The following CTNNA2 variants were observed in gnomAD, a reference collection of about 807,000 sequenced individuals.
The protein encoded by CTNNA2 is catenin alpha-2.
Under a neutral mutation model 101.0 loss-of-function variants are expected in CTNNA2, and 42 were observed. The observed-to-expected ratio is 0.42, with a 90% CI of 0.32 to 0.54. CTNNA2 has a LOEUF of 0.54. Ranked by LOEUF, CTNNA2 falls within the 20% of genes least tolerant of loss-of-function variation. CTNNA2 has a pLI of 0.14. For synonymous variants in CTNNA2, 450 were observed against 456.4 expected (o/e 0.99, Z 0.18); for missense variants, 871 against 1,223.1 (o/e 0.71, Z 4.29).
chr2:79,897,430 A>C (rs1684795537), intron 6 of CTNNA2, among the ~76,000 whole-genome samples: 1 of 152,180 alleles, frequency 6.6e-6, no homozygotes, highest in Non-Finnish European at 1.5e-5. Context: ...GGAAATATAA[A>C]GTATTACATT....
chr2:79,409,310 C>G (rs1479059097), intron 4 of CTNNA2, among the ~76,000 whole-genome samples: 1 of 151,912 alleles, frequency 6.6e-6, no homozygotes, highest in African/African-American at 2.4e-5. Context: ...TTAATTACAT[C>G]CCATTTGTCA....
chr2:79,443,439 T>A (rs1678797879), intron 4 of CTNNA2, among the ~76,000 whole-genome samples: 1 of 152,108 alleles, frequency 6.6e-6, no homozygotes, highest in African/African-American at 2.4e-5. Context: ...CTCAATGATG[T>A]CTACCCACAT....
chr2:79,474,136 A>G (rs1013838796), intron 4 of CTNNA2, among the ~76,000 whole-genome samples: 13 of 152,228 alleles, frequency 8.5e-5, no homozygotes, highest in African/African-American at 2.9e-4. Flanking sequence ...AAGAAAATGT[A>G]TTACACCAAT....
At chr2:79,992,172 G>A (rs1420811651) in intron 7 of CTNNA2, among the ~76,000 whole-genome samples, 1 of 151,904 alleles carries the variant, frequency 6.6e-6, no homozygotes, top group Non-Finnish European at 1.5e-5. Flanking sequence ...GAAGGTGAGG[G>A]CAAAAAGCCA....
At chr2:80,256,268 T>C (rs1352765138) in intron 7 of CTNNA2, among the ~76,000 whole-genome samples, 1 of 152,054 alleles carries the variant, frequency 6.6e-6, no homozygotes, top group Non-Finnish European at 1.5e-5. Context: ...CAAAAATATA[T>C]ACACGGGCTC....
At chr2:79,207,210 T>C (rs1193127928) in intron 2 of CTNNA2, among the ~76,000 whole-genome samples, 2 of 152,218 alleles carry the variant, frequency 1.3e-5, no homozygotes, top group Non-Finnish European at 2.9e-5. Context: ...ACTTTTGTCC[T>C]GGGAGTATTT....
intron 9 of CTNNA2, among the ~76,000 whole-genome samples, chr2:80,529,516 C>A (rs1438494617): frequency 6.6e-6 from 1 of 152,082 alleles, no homozygotes; most frequent in Non-Finnish European, 1.5e-5. Flanking sequence ...TGATGAAGAC[C>A]TCCAAATAGT....
At chr2:80,564,614 A>T (rs965084917) in intron 12 of CTNNA2, among the ~76,000 whole-genome samples, 25 of 150,254 alleles carry the variant, frequency 1.7e-4, no homozygotes, top group African/African-American at 6.1e-4. Flanking sequence ...CTTAAATTTG[A>T]TTTATGTTTG....
At chr2:79,609,678 A>G (rs1394340427) in intron 1 of CTNNA2, among the ~76,000 whole-genome samples, 7 of 152,164 alleles carry the variant, frequency 4.6e-5, no homozygotes, top group African/African-American at 1.7e-4. Context: ...AAAGGTGCAA[A>G]GGCAGTTCTT....
chr2:79,798,910 C>T lies in CTNNA2; in HGVS notation c.298+54328C>T, dbSNP rs1346681678. On this transcript the variant is annotated intron_variant, in intron 3 of 18. Transcript: ENST00000402739. ...GCAGACTCTGGAGTCCTCAATGAAT[C>T]TCACAGTGTTCCAAGGTGATGCATG... 2.6e-5 allele frequency among the ~76,000 whole-genome samples: 4 copies of T among 152,176 alleles called. No individual in the cohort carries two copies. In the East Asian group the frequency reaches 7.7e-4, roughly 29 times the overall value.
intron 7 of CTNNA2, among the ~76,000 whole-genome samples, chr2:79,982,706 C>T (rs1691471259): frequency 6.6e-6 from 1 of 152,042 alleles, no homozygotes. Flanking sequence ...GTCTGTCGTC[C>T]TCAGTGCTTG....
chr2:79,948,694 T>C lies in CTNNA2; in HGVS notation c.1056+38897T>C, dbSNP rs142459893. ...CTATTAAATTTCACCTGTTGCTGGG[T>C]GCGGTGGCTCACGCCTGTAATCTCA... is the stretch of plus-strand genomic sequence containing the variant. On this transcript the variant is annotated intron_variant, in intron 7 of 18. Coordinates refer to ENST00000402739, the MANE Select transcript of CTNNA2 (RefSeq NM_001282597.3). Among the ~76,000 whole-genome samples the C allele has an allele frequency of 5.4e-4, 82 of 152,246 alleles. No individual in the cohort carries two copies. The Middle Eastern group carries it at 0.01, about 19-fold the overall frequency.
chr2:79,973,926 T>A (rs1690660269), intron 7 of CTNNA2, among the ~76,000 whole-genome samples: 3 of 140,154 alleles, frequency 2.1e-5, no homozygotes, highest in Admixed American at 1.5e-4. Context: ...CAAGCAAGAG[T>A]GGAGTTTCTT....
chr2:80,628,756 T>C (rs1465250589), intron 18 of CTNNA2, among the ~76,000 whole-genome samples: 2 of 152,092 alleles, frequency 1.3e-5, no homozygotes, highest in Admixed American at 1.3e-4. Flanking sequence ...TGTTTCCCAG[T>C]AGCCTTCCCT....
chr2:80,633,434 C>G (rs896833276), intron 18 of CTNNA2, among the ~76,000 whole-genome samples: 7 of 152,166 alleles, frequency 4.6e-5, no homozygotes, highest in African/African-American at 1.7e-4. Flanking sequence ...GGAGTTTGTA[C>G]AACTTTTCTC....
At chr2:80,287,927 T>A (rs1674911755) in intron 7 of CTNNA2, among the ~76,000 whole-genome samples, 1 of 152,346 alleles carries the variant, frequency 6.6e-6, no homozygotes, top group Non-Finnish European at 1.5e-5. Context: ...ATTTACTTAG[T>A]GCTTCATCTT....
At chr2:80,589,708 GTTATA>G (rs934362306) in intron 15 of CTNNA2, among the ~76,000 whole-genome samples, 2 of 152,166 alleles carry the variant, frequency 1.3e-5, no homozygotes, top group African/African-American at 4.8e-5. Context: ...AATTATTGTT[GTTATA>G]ATTATCTACC....
chr2:79,699,787 A>G (rs1217298362), intron 2 of CTNNA2, among the ~76,000 whole-genome samples: 1 of 103,670 alleles, frequency 9.6e-6, no homozygotes, highest in Non-Finnish European at 1.9e-5. Context: ...AAAGAAAAAA[A>G]TACACACACA....
chr2:80,025,919 T>C (rs1483644815), intron 7 of CTNNA2, among the ~76,000 whole-genome samples: 2 of 152,182 alleles, frequency 1.3e-5, no homozygotes, highest in South Asian at 2.1e-4. Context: ...AAACCTAGTT[T>C]TCCTGGAGCT....
Sources: gnomAD v4.1 joint callset for allele counts (sites outside exome capture counted in the v4.1 genomes callset) on GRCh38, gnomAD v4.1.1 for gene constraint, MANE v1.5 for transcripts, NCBI Gene and HGNC (gene_info 2026-07-23, HGNC 2026-07-21) for gene names.